SNX9: variants seen among roughly 807,000 people sequenced by gnomAD.
The protein encoded by SNX9 is sorting nexin 9.
A neutral mutation model predicts 89.4 loss-of-function variants in SNX9; 44 were observed. That is an observed-to-expected ratio of 0.49 (90% confidence interval 0.39 to 0.63). SNX9 has a LOEUF of 0.63. SNX9 is among the 30% of genes least tolerant of loss of function. The probability of loss-of-function intolerance (pLI) is 0.00; values close to 1 mark genes in which losing one functional copy is unlikely to be tolerated. For missense variants in SNX9, 578 were observed against 736.1 expected, an observed-to-expected ratio of 0.79 and a Z score of 2.49; for synonymous variants, 236 against 247.8, an observed-to-expected ratio of 0.95 and a Z score of 0.45.
chr6:157,846,445 G>A (rs1030480131), intron 1 of SNX9, among the ~76,000 whole-genome samples: 2 of 152,234 alleles, frequency 1.3e-5, no homozygotes, highest in African/African-American at 4.8e-5. Flanking sequence ...CTCAGGCCAA[G>A]TATGGCTTAA....
At position 157,883,473 on chromosome 6, in the gene SNX9, T is replaced by G. The variant is rs566984773; in HGVS notation, c.300+8297T>G. Reference sequence around the variant, plus strand: ...GGGCTATCCCAGGAGAAGGTCTTTGTGTATCAGAGTTAGGCAAGCAGACGC... The same window carrying G: ...GGGCTATCCCAGGAGAAGGTCTTTGGGTATCAGAGTTAGGCAAGCAGACGC... On this transcript the variant is annotated intron_variant, in intron 4 of 17. Coordinates refer to ENST00000392185, the MANE Select transcript of SNX9 (RefSeq NM_016224.5). Among the ~76,000 whole-genome samples, 74 of 152,338 alleles carry G rather than the reference T, an allele frequency of 4.9e-4. No individual in the cohort carries two copies. In the South Asian group the frequency reaches 6.2e-3, roughly 13 times the overall value.
At chr6:157,858,041 G>A (rs1391350184) in intron 1 of SNX9, among the ~76,000 whole-genome samples, 2 of 151,988 alleles carry the variant, frequency 1.3e-5, no homozygotes, top group East Asian at 1.9e-4. Flanking sequence ...AGGATGATGC[G>A]GGCCTCTTTC....
At chr6:157,892,199 G>T (rs1782877329) in intron 4 of SNX9, among the ~76,000 whole-genome samples, 2 of 152,174 alleles carry the variant, frequency 1.3e-5, no homozygotes, top group Admixed American at 1.3e-4. Flanking sequence ...ACCGTGACGA[G>T]GTGTCTGTAG....
chr6:157,859,340 G>A (rs1379242413), intron 1 of SNX9, among the ~76,000 whole-genome samples: 1 of 152,084 alleles, frequency 6.6e-6, no homozygotes, highest in African/African-American at 2.4e-5. Context: ...TCATGAAAAA[G>A]GTGTAGCATG....
chr6:157,838,956 T>A (rs1781640448), intron 1 of SNX9, among the ~76,000 whole-genome samples: 1 of 152,252 alleles, frequency 6.6e-6, no homozygotes, highest in African/African-American at 2.4e-5. Context: ...AAAATGGATC[T>A]GCTCCTTTTG....
At chr6:157,826,579 TACTC>T (rs1256107749) in intron 1 of SNX9, among the ~76,000 whole-genome samples, 4 of 149,998 alleles carry the variant, frequency 2.7e-5, no homozygotes, top group African/African-American at 9.9e-5. Context: ...TTCTACTCCT[TACTC>T]AGTAGAGTGC....
rs1403388194 is a variant in SNX9 at position 157,883,338 on chromosome 6, A to G, written c.300+8162A>G. On this transcript the variant is annotated intron_variant, in intron 4 of 17. Transcript: ENST00000392185. ...GACTCACTTTAACGTGATGGACTGG[A>G]ACCAAACCCTCAGCATTGCTGACGT... is the stretch of plus-strand genomic sequence containing the variant. Among the ~76,000 whole-genome samples the G allele has an allele frequency of 4.3e-4, 65 of 152,194 alleles. 1 individual carries two copies. The highest frequency in any genetic ancestry group is 7.3e-5 in the Non-Finnish European group (5 of 68,046).
intron 7 of SNX9, among the ~76,000 whole-genome samples, chr6:157,907,274 G>T (rs1430774598): frequency 4.2e-5 from 6 of 142,236 alleles, no homozygotes; most frequent in African/African-American, 1.6e-4. Flanking sequence ...CCTCAGTTTT[G>T]TTTTTTTGTT....
chr6:157,828,216 C>T (rs3805760), intron 1 of SNX9, among the ~76,000 whole-genome samples: 7,627 of 144,438 alleles, frequency 0.053, 208 homozygotes, highest in East Asian at 0.11. Context: ...GTAGAGTGTG[C>T]AGTATTTGTA....
intron 10 of SNX9, among the ~76,000 whole-genome samples, chr6:157,922,594 A>G (rs1384282610): frequency 1.3e-5 from 2 of 152,238 alleles, no homozygotes; most frequent in African/African-American, 4.8e-5. Context: ...CTATCGGTGT[A>G]TGTTTACAGG....
chr6:157,828,867 C>T (rs934210267), intron 1 of SNX9, among the ~76,000 whole-genome samples: 14 of 152,122 alleles, frequency 9.2e-5, no homozygotes, highest in African/African-American at 3.4e-4. Flanking sequence ...TTACACACCC[C>T]GACTGCCATT....
intron 1 of SNX9, among the ~76,000 whole-genome samples, chr6:157,832,229 C>T (rs1285367659): frequency 2.6e-5 from 4 of 152,184 alleles, no homozygotes; most frequent in Non-Finnish European, 5.9e-5. Context: ...TGTGATTGTT[C>T]ATTAAGTCAG....
chr6:157,841,760 TC>T (rs1022465999), intron 1 of SNX9, among the ~76,000 whole-genome samples: 1 of 152,224 alleles, frequency 6.6e-6, no homozygotes, highest in Non-Finnish European at 1.5e-5. Context: ...CCACTTATCT[TC>T]AAAGTGCATG....
At chr6:157,837,349 T>C (rs1781606550) in intron 1 of SNX9, among the ~76,000 whole-genome samples, 1 of 152,256 alleles carries the variant, frequency 6.6e-6, no homozygotes, top group Admixed American at 6.5e-5. Flanking sequence ...TTGTGTGTTA[T>C]TAAAACAGTA....
At chr6:157,833,191 T>C (rs1781507851) in intron 1 of SNX9, among the ~76,000 whole-genome samples, 1 of 152,222 alleles carries the variant, frequency 6.6e-6, no homozygotes, top group South Asian at 2.1e-4. Context: ...GCCTATTGCA[T>C]AGTGGCTGCA....
chr6:157,826,811 T>C (rs1477516865), intron 1 of SNX9, among the ~76,000 whole-genome samples: 2 of 116,200 alleles, frequency 1.7e-5, no homozygotes, highest in South Asian at 2.3e-4. Context: ...ATATTTTATA[T>C]ATAAATATAT....
rs751357882 is a variant in SNX9 at position 157,896,955 on chromosome 6, C to G, written c.429C>G (p.Asn143Lys). 1.2e-6 allele frequency: 2 copies of G among 1,612,126 alleles called. No individual in the cohort carries two copies. Among genetic ancestry groups the G allele is most frequent in the South Asian group, 2.2e-5 (2 of 90,964 alleles). Reference sequence around the variant, plus strand: ...AAAGAAACACAAACACTCCCAACAACTGGGACACTGCCTTCGGCCACCCCC... The same window carrying G: ...AAAGAAACACAAACACTCCCAACAAGTGGGACACTGCCTTCGGCCACCCCC... ...GAQRNTNTPN[N>K]WDTAFGHPQA... The change falls in exon 5 of 18, where the codon AAC (asparagine) becomes AAG (lysine). Residue 143 changes from asparagine (N) to lysine (K), a missense_variant. Asn to Lys is a moderately conservative substitution (Grantham distance 94). Coordinates refer to ENST00000392185, the MANE Select transcript of SNX9 (RefSeq NM_016224.5).
At chr6:157,915,893 A>ACAGTT (rs1346521336) in intron 9 of SNX9, among the ~76,000 whole-genome samples, 2 of 150,610 alleles carry the variant, frequency 1.3e-5, no homozygotes, top group East Asian at 3.9e-4. Context: ...CTGTTTTTTA[A>ACAGTT]ATTTCCATTT....
chr6:157,864,910 C>G (rs1039125016), intron 1 of SNX9, among the ~76,000 whole-genome samples: 2 of 152,164 alleles, frequency 1.3e-5, no homozygotes, highest in African/African-American at 4.8e-5. Flanking sequence ...TGCCTGTAAT[C>G]CCAGCTACTC....
Sources: gnomAD v4.1 joint callset for allele counts (sites outside exome capture counted in the v4.1 genomes callset) on GRCh38, gnomAD v4.1.1 for gene constraint, MANE v1.5 for transcripts, NCBI Gene and HGNC (gene_info 2026-07-23, HGNC 2026-07-21) for gene names.